The following MRRF variants were observed in gnomAD, a reference collection of about 807,000 sequenced individuals.
MRRF encodes mitochondrial ribosome recycling factor, also known as ribosome-recycling factor, mitochondrial.
MRRF carries 18 observed loss-of-function variants against 25.1 expected under a neutral mutation model. The ratio of observed to expected loss-of-function variants is 0.72; its 90% CI spans 0.50 to 1.06. The LOEUF (loss-of-function observed/expected upper bound fraction) is 1.06, where lower values mean the gene tolerates loss of function less well. Ranked by LOEUF, MRRF falls within the 50% of genes least tolerant of loss-of-function variation. MRRF has a pLI of 0.00. For missense variants in MRRF, 323 were observed against 319.3 expected (o/e 1.01, Z -0.09); for synonymous variants, 113 against 112.1 (o/e 1.01, Z -0.05).
chr9:122,314,979 C>T (rs1835422945), intron 6 of MRRF, among the ~76,000 whole-genome samples: 1 of 152,024 alleles, frequency 6.6e-6, no homozygotes, highest in African/African-American at 2.4e-5. Flanking sequence ...GCAAGGGACC[C>T]CTGGAGAAGT....
intron 1 of MRRF, chr9:122,265,608 T>TA (rs1349318904): frequency 2.3e-6 from 1 of 442,810 alleles, no homozygotes; most frequent in Non-Finnish European, 4.2e-6. Flanking sequence ...TGGAAAGCTT[T>TA]ATAGTTGGAA....
intron 6 of MRRF, among the ~76,000 whole-genome samples, chr9:122,321,718 G>A (rs1378622927): frequency 1.3e-5 from 2 of 149,248 alleles, no homozygotes; most frequent in East Asian, 4.0e-4. Context: ...TCCATGTTTG[G>A]TAACCAGATG....
intron 2 of MRRF, among the ~76,000 whole-genome samples, chr9:122,273,117 A>G (rs1338241868): frequency 1.3e-5 from 2 of 152,106 alleles, no homozygotes; most frequent in Non-Finnish European, 2.9e-5. Context: ...CTCCTTTTCT[A>G]TATGAAATTT....
chr9:122,300,789 C>T (rs931437357), intron 5 of MRRF, among the ~76,000 whole-genome samples: 1 of 152,090 alleles, frequency 6.6e-6, no homozygotes, highest in African/African-American at 2.4e-5. Flanking sequence ...TGGAATTTAA[C>T]TTGCTTGGGC....
intron 4 of MRRF, among the ~76,000 whole-genome samples, chr9:122,291,354 G>A (rs753756498): frequency 6.6e-6 from 1 of 152,178 alleles, no homozygotes; most frequent in Non-Finnish European, 1.5e-5. Flanking sequence ...TATTTTGAGT[G>A]TAAAATGTCA....
rs1388000935 is a variant in MRRF at position 122,324,623 on chromosome 9, A to T, written c.*2006A>T. On this transcript the variant is annotated 3_prime_UTR_variant, in exon 7 of 7. Coordinates refer to ENST00000344641, the MANE Select transcript of MRRF (RefSeq NM_138777.5). Reference sequence around the variant, plus strand: ...GGTGGAAAAGTAGGAAGTTCATTCCAGTTCTGCAAGGTGTCTGCTTTCAGA... The same window carrying T: ...GGTGGAAAAGTAGGAAGTTCATTCCTGTTCTGCAAGGTGTCTGCTTTCAGA... 2 of 152,264 alleles carry T rather than the reference A, an allele frequency of 1.3e-5. No homozygotes were observed. The highest frequency in any genetic ancestry group is 2.9e-5 in the Non-Finnish European group (2 of 68,060). The allele number at this position is 152,264 out of a possible 1,614,324, so 9.4% of individuals were successfully genotyped here. A position where few individuals can be genotyped will look rare whatever the true frequency, so the allele number is the denominator to read the frequency against.
At chr9:122,303,622 C>T (rs1422048698) in intron 5 of MRRF, among the ~76,000 whole-genome samples, 1 of 152,122 alleles carries the variant, frequency 6.6e-6, no homozygotes, top group Non-Finnish European at 1.5e-5. Flanking sequence ...TCAAGCAATC[C>T]TCACCTCAGC....
In MRRF at chr9:122,280,590, C is replaced by A. The variant is rs763250108; in HGVS notation, c.332C>A (p.Thr111Asn). 2 of 1,613,810 alleles carry A rather than the reference C, an allele frequency of 1.2e-6. No individual in the cohort carries two copies. The highest frequency in any genetic ancestry group is 1.3e-5 in the African/African-American group (1 of 75,014). Residue 111 changes from threonine (T) to asparagine (N), a missense_variant, in exon 3 of 7, where the codon ACC (threonine) becomes AAC (asparagine). By Grantham distance (65) the Thr-to-Asn change is moderately conservative. Coordinates refer to ENST00000344641, the MANE Select transcript of MRRF (RefSeq NM_138777.5). ...DNFNKTLNIR[T>N]SPGSLDKIAV... is the part of the protein sequence containing the mutation. ...TTCAATAAGACTCTCAATATAAGGA[C>A]CTCACCAGGTTAGTGACTGAACCAA...
intron 3 of MRRF, among the ~76,000 whole-genome samples, chr9:122,281,832 C>T (rs1302814335): frequency 2.0e-5 from 3 of 152,084 alleles, no homozygotes; most frequent in Non-Finnish European, 2.9e-5. Flanking sequence ...ATGTTAACCT[C>T]TGAGAAAATG....
At chr9:122,304,027 G>T (rs934595738) in intron 5 of MRRF, among the ~76,000 whole-genome samples, 1 of 148,714 alleles carries the variant, frequency 6.7e-6, no homozygotes, top group Non-Finnish European at 1.5e-5. Flanking sequence ...TCTGTAGTTT[G>T]TACATTCCAG....
chr9:122,313,533 C>A, intron 6 of MRRF, 147 bp downstream of exon 6: 1 of 952,546 alleles, frequency 1.0e-6, no homozygotes, highest in Non-Finnish European at 1.7e-6. Flanking sequence ...CTGGGCCTAG[C>A]CTAATGCCAG....
intron 1 of MRRF, chr9:122,265,685 T>C: frequency 9.3e-7 from 1 of 1,076,370 alleles, no homozygotes; most frequent in Non-Finnish European, 1.3e-6. Context: ...GAGAAATCAC[T>C]TGGTACAAGT....
At chr9:122,276,597 T>G (rs1227153831) in intron 2 of MRRF, among the ~76,000 whole-genome samples, 2 of 152,270 alleles carry the variant, frequency 1.3e-5, no homozygotes, top group Non-Finnish European at 2.9e-5. Flanking sequence ...TGGGGTTAGC[T>G]TAATTCTACT....
At chr9:122,268,796 C>T (rs1371811886) in intron 1 of MRRF, among the ~76,000 whole-genome samples, 1 of 152,196 alleles carries the variant, frequency 6.6e-6, no homozygotes, top group Non-Finnish European at 1.5e-5. Context: ...TCACTAACTT[C>T]TAGTATCCCT....
In MRRF at chr9:122,325,631, G is replaced by GTGT. The variant is rs1305136444; in HGVS notation, c.*3014_*3015insTGT. On this transcript the variant is annotated 3_prime_UTR_variant, in exon 7 of 7. Coordinates refer to ENST00000344641, the MANE Select transcript of MRRF (RefSeq NM_138777.5). The stretch of plus-strand genomic sequence containing the variant: ...GAATTTGAGAATTTTTTTCCTGTCT[G>GTGT]GTGTGTGTGTGTGTGTGTGTGTGTG... The GTGT allele has an allele frequency of 2.6e-5, 3 of 116,590 alleles. No homozygotes were observed. The highest frequency in any genetic ancestry group is 1.0e-4 in the African/African-American group (3 of 28,988). 7.2% of individuals were successfully genotyped at this position (116,590 alleles called of 1,614,324 possible). A position where few individuals can be genotyped will look rare whatever the true frequency, so the allele number is the denominator to read the frequency against.
chr9:122,292,506 GA>G (rs1833838315), intron 5 of MRRF, among the ~76,000 whole-genome samples: 1 of 152,092 alleles, frequency 6.6e-6, no homozygotes, highest in Admixed American at 6.5e-5. Context: ...TTTAAAAAAA[GA>G]AGAGAAAATA....
At position 122,324,931 on chromosome 9, in the gene MRRF, G is replaced by C. The variant is rs1836082569; in HGVS notation, c.*2314G>C. On this transcript the variant is annotated 3_prime_UTR_variant, in exon 7 of 7. Transcript: ENST00000344641. ...TGATCAGAAGTCAGCTGGGGGAAGA[G>C]CAGGGATAGATAGAGCAATTAAGGA... is the stretch of plus-strand genomic sequence containing the variant. 6.6e-6 allele frequency: 1 copy of C among 152,258 alleles called. No homozygotes were observed. Among genetic ancestry groups the C allele is most frequent in the Non-Finnish European group, 1.5e-5 (1 of 68,070 alleles). The allele number at this position is 152,258 out of a possible 1,614,324, so 9.4% of individuals were successfully genotyped here. A position where few individuals can be genotyped will look rare whatever the true frequency, so the allele number is the denominator to read the frequency against.
chr9:122,270,517 G>T (rs957821638), intron 1 of MRRF, among the ~76,000 whole-genome samples: 5 of 152,100 alleles, frequency 3.3e-5, no homozygotes, highest in African/African-American at 1.2e-4. Context: ...TCAAGATTTT[G>T]TGCTTTTTCT....
At chr9:122,288,087 A>G (rs1039109296) in intron 4 of MRRF, among the ~76,000 whole-genome samples, 5 of 152,218 alleles carry the variant, frequency 3.3e-5, no homozygotes, top group African/African-American at 1.2e-4. Context: ...AAGACAGAAA[A>G]CTGTGTTGCA....
Sources: gnomAD v4.1 joint callset for allele counts (sites outside exome capture counted in the v4.1 genomes callset) on GRCh38, gnomAD v4.1.1 for gene constraint, MANE v1.5 for transcripts, NCBI Gene and HGNC (gene_info 2026-07-23, HGNC 2026-07-21) for gene names.